NFKB1: variants seen among roughly 807,000 people sequenced by gnomAD.
NFKB1 encodes the protein nuclear factor kappa B subunit 1.
NFKB1 carries 9 observed loss-of-function variants against 105.1 expected under a neutral mutation model. The ratio of observed to expected loss-of-function variants is 0.09; its 90% CI spans 0.05 to 0.15. The LOEUF is 0.15. NFKB1 is among the 10% of genes least tolerant of loss of function. The pLI is 1.00. For missense variants in NFKB1, 830 were observed against 1,203.7 expected (o/e 0.69, Z 4.59); for synonymous variants, 440 against 442.2 (o/e 1.00, Z 0.06).
chr4:102,576,882 A>C lies in NFKB1; in HGVS notation c.414A>C (p.Ala138=), dbSNP rs953757585. Residue 138 remains alanine, a synonymous_variant, in exon 7 of 24, where the codon GCA becomes GCC. Coordinates refer to ENST00000226574, the MANE Select transcript of NFKB1 (RefSeq NM_003998.4). ...AGPKDMVVGF[A]NLGILHVTKK... ...GTTACTGTTTTTTCTCCAGCTTCGC[A>C]AACCTGGGTATACTTCATGTGACAA... The C allele has an allele frequency of 6.2e-7, 1 of 1,605,362 alleles. No homozygotes were observed. Among genetic ancestry groups the C allele is most frequent in the Non-Finnish European group, 8.5e-7 (1 of 1,177,512 alleles).
In NFKB1 at chr4:102,596,045, G is replaced by A. The variant is rs148457800; in HGVS notation, c.1301-93G>A. 22 of 770,522 alleles carry A rather than the reference G, an allele frequency of 2.9e-5. No homozygotes were observed. The Admixed American group carries it at 4.1e-4, about 14-fold the overall frequency. The allele number at this position is 770,522 out of a possible 1,614,324, so 47.7% of individuals were successfully genotyped here. A position where few individuals can be genotyped will look rare whatever the true frequency, so the allele number is the denominator to read the frequency against. On this transcript the variant is annotated intron_variant, in intron 13 of 23. Transcript: ENST00000226574. Reference sequence around the variant, plus strand: ...TTTCTTTTCCTTTTGCAGCAAACTTGTCTCTTACCTTTATCTGACCTACAT... The same window carrying A: ...TTTCTTTTCCTTTTGCAGCAAACTTATCTCTTACCTTTATCTGACCTACAT...
Position 102,596,149 on chromosome 4 carries a change from A to C in NFKB1, c.1312A>C (p.Thr438Pro), listed in dbSNP as rs777949092. 4 of 1,595,106 alleles carry C rather than the reference A, an allele frequency of 2.5e-6. No individual in the cohort carries two copies. Among genetic ancestry groups the C allele is most frequent in the African/African-American group, 1.3e-5 (1 of 74,160 alleles). Residue 438 changes from threonine (T) to proline (P), a missense_variant, in exon 14 of 24, where the codon ACT becomes CCT. Coordinates refer to ENST00000226574, the MANE Select transcript of NFKB1 (RefSeq NM_003998.4). Reference protein sequence around the residue: ...NAGMKHGTMDTESKKDPEGCD... With the variant: ...NAGMKHGTMDPESKKDPEGCD... ...TGCATTTATCTTAGGAACCATGGAC[A>C]CTGAATCTAAAAAGGACCCTGAAGG...
Position 102,597,627 on chromosome 4 carries a change from C to T in NFKB1, c.1603C>T (p.His535Tyr). Residue 535 changes from histidine (H) to tyrosine (Y), a missense_variant, in exon 15 of 24, where the codon CAT becomes TAT. By Grantham distance (83) the His-to-Tyr change is moderately conservative. This residue lies in a region of NFKB1 where 418 missense variants were observed against 575.3 expected (regional missense o/e 0.73). Coordinates refer to ENST00000226574, the MANE Select transcript of NFKB1 (RefSeq NM_003998.4). ...DVKMLLAVQR[H>Y]LTAVQDENGD... ...GAAGATGCTGCTGGCCGTCCAGCGC[C>T]ATCTCACTGCTGTGCAGGATGAGAA... 1.2e-6 allele frequency: 2 copies of T among 1,613,680 alleles called. No individual in the cohort carries two copies. The highest frequency in any genetic ancestry group is 1.3e-5 in the African/African-American group (1 of 75,036).
intron 23 of NFKB1, 50 bp from the exon 24 acceptor site, chr4:102,616,384 T>C (rs1451373888): frequency 6.2e-7 from 1 of 1,600,892 alleles, no homozygotes; most frequent in African/African-American, 1.3e-5. Context: ...GTCCATGAGC[T>C]TTTTAGAGCC....
rs59166080 is a variant in NFKB1, at chr4:102,519,322, TTATATATAAAGTA to T, written c.-7-6179_-7-6167del. 6.4e-3 allele frequency among the ~76,000 whole-genome samples: 939 copies of T among 147,752 alleles called. 2 individuals carry two copies. Among genetic ancestry groups the T allele is most frequent in the Non-Finnish European group, 7.7e-3 (515 of 67,056 alleles). ...ATATATTATATAAAATATTTATATGTTATATATAAAGTATATATATAAAATATATAGTTTTAAT... is the reference window on the plus strand; with the variant it reads ...ATATATTATATAAAATATTTATATGTTATATATAAAATATATAGTTTTAAT... On this transcript the variant is annotated intron_variant, in intron 1 of 23. Transcript: ENST00000226574.
chr4:102,609,166 A>AAAAAAAAAAAAAG (rs1338929952), intron 19 of NFKB1, among the ~76,000 whole-genome samples: 6 of 151,096 alleles, frequency 4.0e-5, no homozygotes, highest in African/African-American at 1.5e-4. Context: ...CTCAAAAAAA[A>AAAAAAAAAAAAAG]AAAAGAAAAA....
intron 1 of NFKB1, among the ~76,000 whole-genome samples, chr4:102,508,625 G>A (rs909178898): frequency 3.9e-5 from 6 of 152,042 alleles, no homozygotes; most frequent in Admixed American, 3.9e-4. Flanking sequence ...CAAAAATATA[G>A]CCATTTCTCT....
chr4:102,502,417 C>T (rs1739146195), intron 1 of NFKB1, among the ~76,000 whole-genome samples: 1 of 150,676 alleles, frequency 6.6e-6, no homozygotes, highest in Non-Finnish European at 1.5e-5. Context: ...CACACACACA[C>T]ACACACACAC....
At chr4:102,552,616 A>G (rs1328504278) in intron 5 of NFKB1, among the ~76,000 whole-genome samples, 1 of 152,210 alleles carries the variant, frequency 6.6e-6, no homozygotes, top group Non-Finnish European at 1.5e-5. Context: ...ATTTGGTTAT[A>G]GGACAATTAC....
chr4:102,599,115 A>G (rs899512217), intron 15 of NFKB1, among the ~76,000 whole-genome samples: 3 of 152,198 alleles, frequency 2.0e-5, no homozygotes, highest in African/African-American at 7.2e-5. Flanking sequence ...AAATTCCCAT[A>G]AGGGTGTGAG....
intron 14 of NFKB1, among the ~76,000 whole-genome samples, 160 bp from the exon 15 acceptor site, chr4:102,597,360 T>A (rs527748961): frequency 5.9e-5 from 9 of 152,372 alleles, no homozygotes; most frequent in African/African-American, 2.2e-4. Flanking sequence ...TTCTGCTTTT[T>A]CTAGTCCACA....
At chr4:102,507,131 C>T (rs1201217304) in intron 1 of NFKB1, among the ~76,000 whole-genome samples, 1 of 151,314 alleles carries the variant, frequency 6.6e-6, no homozygotes, top group Non-Finnish European at 1.5e-5. Flanking sequence ...ACATCTATAA[C>T]AATTGCACTG....
chr4:102,526,230 G>A (rs1400095797), intron 2 of NFKB1, among the ~76,000 whole-genome samples: 2 of 152,096 alleles, frequency 1.3e-5, no homozygotes, highest in Admixed American at 6.5e-5. Flanking sequence ...AGTTAAAGGT[G>A]TCTTTTTGGG....
chr4:102,612,201 T>G, intron 21 of NFKB1, 91 bp downstream of exon 21: 2 of 1,223,930 alleles, frequency 1.6e-6, no homozygotes, highest in South Asian at 2.6e-5. Context: ...GGGTCTACTG[T>G]TAAAAGTTCT....
At chr4:102,572,171 C>T (rs879774527) in intron 6 of NFKB1, among the ~76,000 whole-genome samples, 3 of 152,168 alleles carry the variant, frequency 2.0e-5, no homozygotes, top group Non-Finnish European at 4.4e-5. Flanking sequence ...AGGATGAGCT[C>T]ATGTCCTTTG....
intron 6 of NFKB1, among the ~76,000 whole-genome samples, chr4:102,570,108 T>G (rs1045077619): frequency 1.3e-5 from 2 of 152,164 alleles, no homozygotes; most frequent in African/African-American, 4.8e-5. Flanking sequence ...CACCACACTC[T>G]CTCTGCTTTC....
chr4:102,501,786 C>G lies in NFKB1; in HGVS notation c.-10C>G, dbSNP rs1739041003. ...GGAGGCCGAACGCGGACTCGCCACC[C>G]GGGTAAGCCAAACTCGGGCGAGTGG... is the stretch of plus-strand genomic sequence containing the variant. On this transcript the variant is annotated splice_region_variant and 5_prime_UTR_variant, in exon 1 of 24. Coordinates refer to ENST00000226574, the MANE Select transcript of NFKB1 (RefSeq NM_003998.4). The G allele has an allele frequency of 6.6e-6, 1 of 152,328 alleles. No homozygotes were observed. Among genetic ancestry groups the G allele is most frequent in the African/African-American group, 2.4e-5 (1 of 41,466 alleles). 9.4% of individuals were successfully genotyped at this position (152,328 alleles called of 1,614,324 possible).
intron 6 of NFKB1, among the ~76,000 whole-genome samples, chr4:102,571,516 CA>C (rs535984306): frequency 6.6e-6 from 1 of 152,098 alleles, no homozygotes; most frequent in Admixed American, 6.5e-5. Flanking sequence ...TTCTCCGCAG[CA>C]AAAGAAACTA....
intron 5 of NFKB1, among the ~76,000 whole-genome samples, chr4:102,545,208 G>T (rs1056359713): frequency 6.6e-6 from 1 of 152,214 alleles, no homozygotes; most frequent in Admixed American, 6.5e-5. Context: ...GAAGCTGGAG[G>T]CTACCCTGCA....
Sources: gnomAD v4.1 joint callset for allele counts (sites outside exome capture counted in the v4.1 genomes callset) on GRCh38, gnomAD v4.1.1 for gene constraint, gnomAD v4.1.1 regional missense constraint, MANE v1.5 for transcripts, NCBI Gene and HGNC (gene_info 2026-07-23, HGNC 2026-07-21) for gene names.